Variants in MAP4K5 observed in about 807,000 individuals in gnomAD.
MAP4K5 encodes the protein mitogen-activated protein kinase kinase kinase kinase 5.
A neutral mutation model predicts 135.6 loss-of-function variants in MAP4K5; 82 were observed. The observed-to-expected ratio is 0.60, with a 90% CI of 0.51 to 0.73. The LOEUF (loss-of-function observed/expected upper bound fraction) is 0.73, where lower values mean the gene tolerates loss of function less well. Ranked by LOEUF, MAP4K5 falls within the 30% of genes least tolerant of loss-of-function variation. The pLI, the probability that MAP4K5 is intolerant of heterozygous loss-of-function variation, is 0.00. For missense variants in MAP4K5, 907 were observed against 1,010.9 expected, an observed-to-expected ratio of 0.90 and a Z score of 1.39; for synonymous variants, 347 against 335.0, an observed-to-expected ratio of 1.04 and a Z score of -0.39.
At chr14:50,465,721 A>G (rs1190982706) in intron 11 of MAP4K5, among the ~76,000 whole-genome samples, 1 of 152,116 alleles carries the variant, frequency 6.6e-6, no homozygotes, top group Non-Finnish European at 1.5e-5. Flanking sequence ...TCCTCACCAC[A>G]CTTCTTACCC....
At chr14:50,554,813 C>A (rs751926766) in intron 1 of MAP4K5, among the ~76,000 whole-genome samples, 3 of 152,152 alleles carry the variant, frequency 2.0e-5, no homozygotes, top group Non-Finnish European at 2.9e-5. Context: ...ACTCGCTGGG[C>A]TGGACTCGTC....
intron 6 of MAP4K5, among the ~76,000 whole-genome samples, chr14:50,479,172 T>C (rs2037178685): frequency 7.4e-6 from 1 of 134,626 alleles, no homozygotes; most frequent in South Asian, 2.6e-4. Flanking sequence ...TCTCTTTGTC[T>C]CTTCATTCTC....
chr14:50,423,147 T>C lies in MAP4K5; in HGVS notation c.2427A>G (p.Arg809=). 6.4e-7 allele frequency: 1 copy of C among 1,574,130 alleles called. No homozygotes were observed. Among genetic ancestry groups the C allele is most frequent in the African/African-American group, 1.3e-5 (1 of 74,268 alleles). ...EVTQEISDET[R]VFRLLGSDRV... ...TGTCTGATCCTAATAAGCGGAAAAC[T>C]CTTGTTTCATCTGAAATCTCCTGGG... Residue 809 remains arginine, a synonymous_variant, in exon 32 of 33, where the codon AGA becomes AGG. Coordinates refer to ENST00000682126, the MANE Select transcript of MAP4K5 (RefSeq NM_006575.6).
chr14:50,428,505 C>G (rs1047732571), intron 30 of MAP4K5, among the ~76,000 whole-genome samples, 157 bp downstream of exon 30: 2 of 152,194 alleles, frequency 1.3e-5, no homozygotes, highest in Non-Finnish European at 2.9e-5. Context: ...ATCTGCCCAC[C>G]TTGGCCTCCC....
intron 21 of MAP4K5, among the ~76,000 whole-genome samples, chr14:50,442,218 T>C (rs2036245099): frequency 6.6e-6 from 1 of 152,144 alleles, no homozygotes; most frequent in African/African-American, 2.4e-5. Context: ...TAAATACCTG[T>C]AACACAAATT....
At chr14:50,453,935 T>C (rs1006194678) in intron 14 of MAP4K5, among the ~76,000 whole-genome samples, 3 of 152,132 alleles carry the variant, frequency 2.0e-5, no homozygotes, top group African/African-American at 4.8e-5. Flanking sequence ...CTTAGACTGA[T>C]TGGGTGTGAT....
chr14:50,466,525 T>A, intron 11 of MAP4K5, 58 bp downstream of exon 11: 1 of 848,354 alleles, frequency 1.2e-6, no homozygotes. Context: ...ATATGGGAAC[T>A]GAATCTATAC....
At chr14:50,452,292 T>TA (rs2036507660) in intron 14 of MAP4K5, among the ~76,000 whole-genome samples, 3 of 152,200 alleles carry the variant, frequency 2.0e-5, no homozygotes, top group Admixed American at 2.0e-4. Flanking sequence ...TCAGGTAAGA[T>TA]AAAAAGGACA....
intron 1 of MAP4K5, among the ~76,000 whole-genome samples, chr14:50,552,213 C>A (rs917223291): frequency 8.5e-5 from 13 of 152,176 alleles, no homozygotes; most frequent in Admixed American, 7.8e-4. Context: ...TATATACCAA[C>A]AATGACAAAG....
intron 2 of MAP4K5, among the ~76,000 whole-genome samples, chr14:50,519,879 T>C (rs1158722719): frequency 6.6e-6 from 1 of 152,056 alleles, no homozygotes; most frequent in Non-Finnish European, 1.5e-5. Flanking sequence ...CAAACATCTC[T>C]AGCATGTATT....
At chr14:50,543,217 G>A (rs963583583) in intron 1 of MAP4K5, among the ~76,000 whole-genome samples, 2 of 152,204 alleles carry the variant, frequency 1.3e-5, no homozygotes, top group African/African-American at 2.4e-5. Flanking sequence ...ACTTGCCAAG[G>A]ATAATTCAGT....
At chr14:50,559,965 T>C in intron 1 of MAP4K5, 1 of 474,680 alleles carries the variant, frequency 2.1e-6, no homozygotes, top group South Asian at 2.6e-5. Flanking sequence ...GTGTTTTCCG[T>C]TGAAAATGTT....
At position 50,447,424 on chromosome 14, in the gene MAP4K5, T is replaced by G; in HGVS notation, c.1132A>C (p.Asn378His). 1 of 1,547,560 alleles carries G rather than the reference T, an allele frequency of 6.5e-7. No homozygotes were observed. Among genetic ancestry groups the G allele is most frequent in the Non-Finnish European group, 8.7e-7 (1 of 1,143,492 alleles). The change falls in exon 16 of 33, where the codon AAT becomes CAT. Residue 378 changes from asparagine to histidine, a missense_variant. Physicochemically the swap from Asn to His is moderately conservative, Grantham distance 68. This residue lies in a region of MAP4K5 where 690 missense variants were observed against 777.4 expected (regional missense o/e 0.89). Transcript: ENST00000682126. ...LQWNPFVDGA[N>H]TGKSTSKRAI... ...TAGAAAACAACTTACTTGCCAGTAT[T>G]TGCACCATCAACAAAAGGATTCCAC...
chr14:50,441,497 A>C (rs1400954817), intron 21 of MAP4K5, among the ~76,000 whole-genome samples: 2 of 152,148 alleles, frequency 1.3e-5, no homozygotes, highest in East Asian at 3.9e-4. Context: ...GGGACATTCT[A>C]CAAAATAAGT....
intron 3 of MAP4K5, among the ~76,000 whole-genome samples, chr14:50,493,987 CA>C (rs1367187950): frequency 7.5e-6 from 1 of 133,664 alleles, no homozygotes; most frequent in Admixed American, 7.6e-5. Context: ...GAATCCATCG[CA>C]AAAAAAAACA....
intron 9 of MAP4K5, among the ~76,000 whole-genome samples, chr14:50,471,274 T>A (rs1375435941): frequency 6.6e-6 from 1 of 152,100 alleles, no homozygotes; most frequent in Non-Finnish European, 1.5e-5. Context: ...TAGAAAAAAG[T>A]CATTTAATTT....
chr14:50,519,594 TAATG>T (rs2038105692), intron 2 of MAP4K5, among the ~76,000 whole-genome samples: 1 of 151,990 alleles, frequency 6.6e-6, no homozygotes, highest in African/African-American at 2.4e-5. Context: ...GCGGAGGTTG[TAATG>T]AGTCGAGATT....
chr14:50,434,294 A>G lies in MAP4K5; in HGVS notation c.2164+100T>C, dbSNP rs28547991. ...TGGGAAACTATGTTTTGAATATTTA[A>G]AAGAGCCCACACTGGTGTTTTGCTT... On this transcript the variant is annotated intron_variant, in intron 28 of 32. Transcript: ENST00000682126. The G allele has an allele frequency of 0.014, 11,163 of 826,884 alleles. 828 individuals are homozygous for G. The African/African-American group carries it at 0.17, about 13-fold the overall frequency. The allele number at this position is 826,884 out of a possible 1,614,324, so 51.2% of individuals were successfully genotyped here. A position where few individuals can be genotyped will look rare whatever the true frequency, so the allele number is the denominator to read the frequency against.
At chr14:50,506,786 T>C (rs960434631) in intron 2 of MAP4K5, among the ~76,000 whole-genome samples, 2 of 152,222 alleles carry the variant, frequency 1.3e-5, no homozygotes, top group East Asian at 3.8e-4. Context: ...CTCTCTTTCA[T>C]AGTTATAGTT....
Sources: allele counts gnomAD v4.1 joint callset (sites outside exome capture counted in the v4.1 genomes callset), GRCh38; gene constraint gnomAD v4.1.1; regional missense constraint gnomAD v4.1.1; transcripts MANE v1.5; gene names NCBI Gene and HGNC (gene_info 2026-07-23, HGNC 2026-07-21).